Variants in MGAT4C observed in about 807,000 individuals in gnomAD.
MGAT4C encodes the protein MGAT4 family member C.
MGAT4C carries 19 observed loss-of-function variants against 40.1 expected under a neutral mutation model. That is an observed-to-expected ratio of 0.47 (90% CI 0.33 to 0.70). The LOEUF is 0.70. Ranked by LOEUF, MGAT4C falls within the 30% of genes least tolerant of loss-of-function variation. The probability of loss-of-function intolerance (pLI) is 0.02; values close to 1 mark genes in which losing one functional copy is unlikely to be tolerated. For missense variants in MGAT4C, 491 were observed against 563.2 expected (o/e 0.87, Z 1.30); for synonymous variants, 181 against 187.1 (o/e 0.97, Z 0.27).
chr12:86,497,821 T>C (rs919244947), intron 2 of MGAT4C, among the ~76,000 whole-genome samples: 2 of 149,974 alleles, frequency 1.3e-5, no homozygotes, highest in Non-Finnish European at 3.0e-5. Flanking sequence ...TATAGCTCTA[T>C]GCAAATTCTT....
chr12:86,350,152 T>C (rs980312164), intron 3 of MGAT4C, among the ~76,000 whole-genome samples: 2 of 152,100 alleles, frequency 1.3e-5, no homozygotes, highest in Non-Finnish European at 2.9e-5. Context: ...CTAGAGATTA[T>C]TGCCCTTGTA....
intron 3 of MGAT4C, among the ~76,000 whole-genome samples, chr12:86,429,714 C>G (rs1199237182): frequency 6.6e-6 from 1 of 151,842 alleles, no homozygotes; most frequent in Non-Finnish European, 1.5e-5. Flanking sequence ...TTTTTCTTGT[C>G]CTTGATTTTT....
chr12:86,007,707 G>A lies in MGAT4C; in HGVS notation c.-6-18155C>T, dbSNP rs1404795082. ...TTATCAAAGGTGAACAGTATTTTTCGATGAGCAGCCATTTTTAATGTTGTT... is the reference window on the plus strand; with the variant it reads ...TTATCAAAGGTGAACAGTATTTTTCAATGAGCAGCCATTTTTAATGTTGTT... On this transcript the variant is annotated intron_variant, in intron 2 of 4. Coordinates refer to ENST00000611864, the MANE Select transcript of MGAT4C (RefSeq NM_001351288.2). Among the ~76,000 whole-genome samples, 5 of 152,052 alleles carry A rather than the reference G, an allele frequency of 3.3e-5. No homozygotes were observed. The South Asian group carries it at 8.3e-4, about 25-fold the overall frequency.
At chr12:86,145,148 C>G (rs906405953) in intron 1 of MGAT4C, among the ~76,000 whole-genome samples, 1 of 152,138 alleles carries the variant, frequency 6.6e-6, no homozygotes, top group Admixed American at 6.6e-5. Context: ...AAATAGATCT[C>G]TAAAACTTAT....
At chr12:86,651,498 A>AT (rs574962023) in intron 2 of MGAT4C, among the ~76,000 whole-genome samples, 1 of 151,868 alleles carries the variant, frequency 6.6e-6, no homozygotes, top group East Asian at 1.9e-4. Context: ...TTTGAGTATT[A>AT]TTTTTTAATT....
chr12:86,534,376 C>T (rs1316886134), intron 2 of MGAT4C, among the ~76,000 whole-genome samples: 1 of 152,076 alleles, frequency 6.6e-6, no homozygotes, highest in Non-Finnish European at 1.5e-5. Context: ...TCCTGCCTTT[C>T]TGAACTGAAC....
At chr12:86,237,867 T>C (rs1951620341) in intron 1 of MGAT4C, among the ~76,000 whole-genome samples, 1 of 151,952 alleles carries the variant, frequency 6.6e-6, no homozygotes, top group South Asian at 2.1e-4. Context: ...AAATAATAAC[T>C]AAAGTCTACC....
intron 3 of MGAT4C, among the ~76,000 whole-genome samples, chr12:86,409,967 C>G (rs1282487378): frequency 6.6e-6 from 1 of 152,020 alleles, no homozygotes; most frequent in South Asian, 2.1e-4. Flanking sequence ...TCTGCCTGAG[C>G]CGCAAAACCA....
At chr12:86,790,916 C>T (rs1952010755) in intron 1 of MGAT4C, among the ~76,000 whole-genome samples, 1 of 151,974 alleles carries the variant, frequency 6.6e-6, no homozygotes, top group Non-Finnish European at 1.5e-5. Flanking sequence ...TTGAAAAATA[C>T]TGCTCTAGAA....
In MGAT4C at chr12:86,078,656, G is replaced by C. The variant is rs897624627; in HGVS notation, c.-56-28933C>G. On this transcript the variant is annotated intron_variant, in intron 1 of 4. Transcript: ENST00000611864. ...CTGGCAAATTGGGCACTCAGCAGTG[G>C]ATGTAGCCAGGTCAGCCTTGGTGAG... is the stretch of plus-strand genomic sequence containing the variant. Among the ~76,000 whole-genome samples, 7 of 152,300 alleles carry C rather than the reference G, an allele frequency of 4.6e-5. No homozygotes were observed. The South Asian group carries it at 8.3e-4, about 18-fold the overall frequency.
chr12:86,215,643 G>C (rs1950642793), intron 1 of MGAT4C, among the ~76,000 whole-genome samples: 1 of 152,008 alleles, frequency 6.6e-6, no homozygotes, highest in South Asian at 2.1e-4. Context: ...GCCTGTTCAC[G>C]TTGCTGTGGG....
chr12:86,453,187 A>C (rs1267899760), intron 2 of MGAT4C, among the ~76,000 whole-genome samples: 1 of 152,142 alleles, frequency 6.6e-6, no homozygotes, highest in Non-Finnish European at 1.5e-5. Flanking sequence ...TACAGAGTGC[A>C]CTGCAGAGTA....
rs1300598923 is a variant in MGAT4C, at chr12:86,649,041, T to C, written c.-229+78168A>G. Reference sequence around the variant, plus strand: ...ATATAGTAAGCCCTGCTATATTTATTCAGGAATTTAAACACATGTAATTTT... The same window carrying C: ...ATATAGTAAGCCCTGCTATATTTATCCAGGAATTTAAACACATGTAATTTT... On this transcript the variant is annotated intron_variant, in intron 2 of 7. Transcript: ENST00000548651. Among the ~76,000 whole-genome samples the C allele has an allele frequency of 5.3e-5, 8 of 151,904 alleles. No individual in the cohort carries two copies. In the South Asian group the frequency reaches 1.2e-3, roughly 24 times the overall value.
chr12:86,622,841 A>G (rs1962682158), intron 2 of MGAT4C, among the ~76,000 whole-genome samples: 1 of 152,156 alleles, frequency 6.6e-6, no homozygotes, highest in African/African-American at 2.4e-5. Flanking sequence ...GACAGGAATG[A>G]GAGAATTAGT....
chr12:86,067,000 A>G (rs892511317), intron 1 of MGAT4C, among the ~76,000 whole-genome samples: 5 of 152,224 alleles, frequency 3.3e-5, no homozygotes, highest in African/African-American at 9.6e-5. Context: ...AATCAAAACC[A>G]CAATGAAATA....
In MGAT4C at chr12:86,794,403, TAA is replaced by T. The variant is rs537276644; in HGVS notation, c.-262+44261_-262+44262del. 2.6e-4 allele frequency among the ~76,000 whole-genome samples: 39 copies of T among 151,904 alleles called. No individual in the cohort carries two copies. In the South Asian group the frequency reaches 8.1e-3, roughly 31 times the overall value. The stretch of plus-strand genomic sequence containing the variant: ...TTTATGTTTCTTTTCTATGAAAAAG[TAA>T]AAGTGATGAGATTAACTCATTTCCA... On this transcript the variant is annotated intron_variant, in intron 1 of 7. Coordinates refer to the MGAT4C transcript ENST00000548651.
At chr12:86,226,055 A>G (rs1372762182) in intron 1 of MGAT4C, among the ~76,000 whole-genome samples, 1 of 151,946 alleles carries the variant, frequency 6.6e-6, no homozygotes. Flanking sequence ...GTAATAACAG[A>G]TCTATATAAT....
chr12:86,596,054 T>C (rs139253261), intron 2 of MGAT4C, among the ~76,000 whole-genome samples: 63 of 152,260 alleles, frequency 4.1e-4, no homozygotes, highest in African/African-American at 1.4e-3. Context: ...CCTGGATACA[T>C]ATATCTCATC....
chr12:86,468,823 G>A (rs1957718401), intron 2 of MGAT4C, among the ~76,000 whole-genome samples: 1 of 151,860 alleles, frequency 6.6e-6, no homozygotes, highest in Non-Finnish European at 1.5e-5. Flanking sequence ...ACTGCTTCAG[G>A]TCCCTTAAGT....
Sources: gnomAD v4.1 joint callset for allele counts (sites outside exome capture counted in the v4.1 genomes callset) on GRCh38, gnomAD v4.1.1 for gene constraint, MANE v1.5 for transcripts, NCBI Gene and HGNC (gene_info 2026-07-23, HGNC 2026-07-21) for gene names.